Variants in KPNA4 observed in about 807,000 individuals in gnomAD.
KPNA4 encodes importin subunit alpha-3.
Under a neutral mutation model 71.3 loss-of-function variants are expected in KPNA4, and 13 were observed. That is an observed-to-expected ratio of 0.18 (90% confidence interval 0.12 to 0.29). KPNA4 has a LOEUF of 0.29. Ranked by LOEUF, KPNA4 falls within the 10% of genes least tolerant of loss-of-function variation. The pLI, the probability that KPNA4 is intolerant of heterozygous loss-of-function variation, is 1.00. For missense variants in KPNA4, 334 were observed against 603.2 expected (o/e 0.55, Z 4.67); for synonymous variants, 189 against 195.2 (o/e 0.97, Z 0.26).
In KPNA4 at chr3:160,514,191, A is replaced by G; in HGVS notation, c.1033-10T>C. Reference sequence around the variant, plus strand: ...GGAACCACACTGCTTCCTGTAGAACAAGAGCATTTGAATATTTCTCATTAA... The same window carrying G: ...GGAACCACACTGCTTCCTGTAGAACGAGAGCATTTGAATATTTCTCATTAA... On this transcript the variant is annotated splice_polypyrimidine_tract_variant and intron_variant, in intron 12 of 16. Coordinates refer to ENST00000334256, the MANE Select transcript of KPNA4 (RefSeq NM_002268.5). 1 of 1,571,888 alleles carries G rather than the reference A, an allele frequency of 6.4e-7. No individual in the cohort carries two copies. The highest frequency in any genetic ancestry group is 8.6e-7 in the Non-Finnish European group (1 of 1,160,564).
At position 160,502,161 on chromosome 3, in the gene KPNA4, G is replaced by A. The variant is rs146670882; in HGVS notation, c.1509C>T (p.Gly503=). The part of the protein sequence containing the change: ...DPSLVPEAIQ[G]GTFGFNSSAN... ...CAGATGAATTGAAACCAAATGTTCC[G>A]CCTTGAATTGCCTCTGGAACAAGGC... Residue 503 remains glycine, a synonymous_variant, in exon 17 of 17, where the codon GGC becomes GGT. Coordinates refer to ENST00000334256, the MANE Select transcript of KPNA4 (RefSeq NM_002268.5). 433 of 1,596,198 alleles carry A rather than the reference G, an allele frequency of 2.7e-4. No homozygotes were observed. The highest frequency in any genetic ancestry group is 5.3e-4 in the Middle Eastern group (3 of 5,618).
chr3:160,542,178 T>C (rs1721813607), intron 1 of KPNA4, among the ~76,000 whole-genome samples: 1 of 152,114 alleles, frequency 6.6e-6, no homozygotes, highest in Admixed American at 6.5e-5. Context: ...GACAAATCAA[T>C]CACATAACAT....
intron 1 of KPNA4, among the ~76,000 whole-genome samples, chr3:160,556,641 T>C (rs1722143031): frequency 6.6e-6 from 1 of 152,228 alleles, no homozygotes; most frequent in Non-Finnish European, 1.5e-5. Context: ...AAATCTGGTA[T>C]GCTCCAATGA....
chr3:160,534,223 G>T (rs1007936920), intron 5 of KPNA4, among the ~76,000 whole-genome samples: 7 of 152,132 alleles, frequency 4.6e-5, no homozygotes, highest in African/African-American at 9.7e-5. Context: ...CTGTAACTAG[G>T]ATCAGTTTCT....
chr3:160,498,161 C>T lies in KPNA4; in HGVS notation c.*3943G>A, dbSNP rs187002639. The T allele has an allele frequency of 9.9e-5, 15 of 152,236 alleles. No individual in the cohort carries two copies. The highest frequency in any genetic ancestry group is 6.5e-5 in the Admixed American group (1 of 15,280). The allele number at this position is 152,236 out of a possible 1,614,324, so 9.4% of individuals were successfully genotyped here. On this transcript the variant is annotated 3_prime_UTR_variant, in exon 17 of 17. Coordinates refer to ENST00000334256, the MANE Select transcript of KPNA4 (RefSeq NM_002268.5). ...CATCATCTAAAGGGAAGGGTTGGGA[C>T]AGACTGTAATTCATGGACTCTTATG... is the stretch of plus-strand genomic sequence containing the variant.
At chr3:160,563,076 G>C (rs1017422220) in intron 1 of KPNA4, among the ~76,000 whole-genome samples, 1 of 152,134 alleles carries the variant, frequency 6.6e-6, no homozygotes, top group Non-Finnish European at 1.5e-5. Flanking sequence ...AATGTTCTTA[G>C]TAGTATTATG....
rs1192999948 is a variant in KPNA4, at chr3:160,500,703, TAA to T, written c.*1399_*1400del. ...TGTTCATGGCTGCCTACATCTAAGA[TAA>T]AAAGATTCTAAAACAATTGAACAGA... On this transcript the variant is annotated 3_prime_UTR_variant, in exon 17 of 17. Transcript: ENST00000334256. 6.6e-6 allele frequency: 1 copy of T among 152,626 alleles called. No homozygotes were observed. Among genetic ancestry groups the T allele is most frequent in the Non-Finnish European group, 1.5e-5 (1 of 68,014 alleles). The allele number at this position is 152,626 out of a possible 1,614,324, so 9.5% of individuals were successfully genotyped here.
chr3:160,528,097 A>T lies in KPNA4; in HGVS notation c.470-58T>A, dbSNP rs1721496481. On this transcript the variant is annotated intron_variant, in intron 7 of 16. Transcript: ENST00000334256. ...TGAAGATACCATAAACCAAAAATCA[A>T]TCTTTATTTTTTTGCTGAGACCTCA... 4 of 1,350,004 alleles carry T rather than the reference A, an allele frequency of 3.0e-6. No homozygotes were observed. In the South Asian group the frequency reaches 5.1e-5, roughly 17 times the overall value. 83.6% of individuals were successfully genotyped at this position (1,350,004 alleles called of 1,614,324 possible). A position where few individuals can be genotyped will look rare whatever the true frequency, so the allele number is the denominator to read the frequency against.
intron 16 of KPNA4, among the ~76,000 whole-genome samples, chr3:160,504,541 G>A (rs962607627): frequency 5.3e-5 from 8 of 151,336 alleles, no homozygotes; most frequent in Admixed American, 3.3e-4. Context: ...ATTTATTTTC[G>A]TATTTGTTTT....
chr3:160,504,385 G>A (rs1441297926), intron 16 of KPNA4, among the ~76,000 whole-genome samples: 1 of 152,124 alleles, frequency 6.6e-6, no homozygotes, highest in East Asian at 1.9e-4. Flanking sequence ...GGAGCAATTG[G>A]TTTAATTTTA....
chr3:160,495,232 G>A lies in KPNA4; in HGVS notation c.*6872C>T, dbSNP rs1024375517. The A allele has an allele frequency of 3.3e-5, 5 of 152,176 alleles. No homozygotes were observed. The highest frequency in any genetic ancestry group is 7.3e-5 in the Non-Finnish European group (5 of 68,044). The allele number at this position is 152,176 out of a possible 1,614,324, so 9.4% of individuals were successfully genotyped here. ...CTGAAAAATGAGGGTTAATGGGGATGGCAAGGATGATAGGTAGGCCTGGAT... is the reference window on the plus strand; with the variant it reads ...CTGAAAAATGAGGGTTAATGGGGATAGCAAGGATGATAGGTAGGCCTGGAT... On this transcript the variant is annotated 3_prime_UTR_variant, in exon 17 of 17. Transcript: ENST00000334256.
chr3:160,503,382 T>C (rs141374374), intron 16 of KPNA4, among the ~76,000 whole-genome samples: 59 of 152,292 alleles, frequency 3.9e-4, no homozygotes, highest in Admixed American at 6.5e-4. Context: ...GAAATGCTCA[T>C]TGGAACATTT....
At chr3:160,540,688 A>G (rs1721781093) in intron 1 of KPNA4, among the ~76,000 whole-genome samples, 1 of 152,230 alleles carries the variant, frequency 6.6e-6, no homozygotes. Flanking sequence ...AAAATATATT[A>G]GTTGTGAATT....
chr3:160,565,410 T>G lies in KPNA4; in HGVS notation c.-128A>C, dbSNP rs956685739. On this transcript the variant is annotated 5_prime_UTR_variant, in exon 1 of 17. Transcript: ENST00000334256. ...TGTGCCCGCCGCGCCGCCGCTTCCT[T>G]CCTCCTCTCACCTGCCTCCGCCGCG... 13 of 729,722 alleles carry G rather than the reference T, an allele frequency of 1.8e-5. No homozygotes were observed. Among genetic ancestry groups the G allele is most frequent in the Non-Finnish European group, 2.5e-5 (11 of 436,920 alleles). The allele number at this position is 729,722 out of a possible 1,614,324, so 45.2% of individuals were successfully genotyped here.
intron 1 of KPNA4, among the ~76,000 whole-genome samples, chr3:160,556,595 T>C (rs575508028): frequency 6.6e-6 from 1 of 152,348 alleles, no homozygotes; most frequent in East Asian, 1.9e-4. Context: ...TTTAGAATGT[T>C]TGCATAATAC....
Position 160,538,531 on chromosome 3 carries a change from G to A in KPNA4, c.70-1691C>T, listed in dbSNP as rs78126718. 9.9e-5 allele frequency among the ~76,000 whole-genome samples: 15 copies of A among 152,200 alleles called. No individual in the cohort carries two copies. In the East Asian group the frequency reaches 2.9e-3, roughly 29 times the overall value. ...ATTCTACCCATAGACTCCAAGGAAG[G>A]AAAGGTCCAAGGAATCAGTAAAAAA... On this transcript the variant is annotated intron_variant, in intron 1 of 16. Transcript: ENST00000334256.
chr3:160,557,958 AGGC>A, intron 1 of KPNA4, among the ~76,000 whole-genome samples: 1 of 152,358 alleles, frequency 6.6e-6, no homozygotes, highest in African/African-American at 2.4e-5. Flanking sequence ...ATAGGATTAC[AGGC>A]ATGAGCCACT....
rs755044556 is a variant in KPNA4 at position 160,531,443 on chromosome 3, A to AT, written c.383+18_383+19insA. 45 of 1,296,926 alleles carry AT rather than the reference A, an allele frequency of 3.5e-5. No individual in the cohort carries two copies. The highest frequency in any genetic ancestry group is 2.8e-4 in the Middle Eastern group (1 of 3,636). The allele number at this position is 1,296,926 out of a possible 1,614,324, so 80.3% of individuals were successfully genotyped here. On this transcript the variant is annotated intron_variant, in intron 6 of 16. Coordinates refer to ENST00000334256, the MANE Select transcript of KPNA4 (RefSeq NM_002268.5). ...GATACATTCTAAATTAAAAAAAAAA[A>AT]AATAAATAATGTACTCACTTGTCAT...
chr3:160,515,026 T>G (rs1266351810), intron 12 of KPNA4: 1 of 519,250 alleles, frequency 1.9e-6, no homozygotes, highest in South Asian at 1.4e-5. Flanking sequence ...CAACCCATGT[T>G]ATTTCTACAA....
Sources: gnomAD v4.1 joint callset for allele counts (sites outside exome capture counted in the v4.1 genomes callset) on GRCh38, gnomAD v4.1.1 for gene constraint, MANE v1.5 for transcripts, NCBI Gene and HGNC (gene_info 2026-07-23, HGNC 2026-07-21) for gene names.